FRK: variants seen among roughly 807,000 people sequenced by gnomAD.
The protein encoded by FRK is tyrosine-protein kinase FRK.
Under a neutral mutation model 56.4 loss-of-function variants are expected in FRK, and 51 were observed. The observed-to-expected ratio is 0.90, with a 90% CI of 0.72 to 1.14. FRK has a LOEUF of 1.14. FRK is among the 50% of genes most tolerant of loss of function. The pLI, the probability that FRK is intolerant of heterozygous loss-of-function variation, is 0.00. For missense variants in FRK, 570 were observed against 601.4 expected, an observed-to-expected ratio of 0.95 and a Z score of 0.55; for synonymous variants, 245 against 217.9, an observed-to-expected ratio of 1.12 and a Z score of -1.10.
chr6:115,965,973 C>T (rs1177410886), intron 4 of FRK, among the ~76,000 whole-genome samples: 8 of 103,216 alleles, frequency 7.8e-5, no homozygotes, highest in South Asian at 8.5e-4. Context: ...GTGGGTGCAG[C>T]GCACCAGCAT....
chr6:115,971,255 T>C (rs1483183250), intron 2 of FRK, among the ~76,000 whole-genome samples: 1 of 152,172 alleles, frequency 6.6e-6, no homozygotes, highest in Non-Finnish European at 1.5e-5. Flanking sequence ...TCACCCTGGG[T>C]ATAAAAATTC....
intron 1 of FRK, among the ~76,000 whole-genome samples, chr6:116,056,989 AAAGAAAAC>A (rs1487646181): frequency 3.9e-5 from 6 of 152,246 alleles, no homozygotes; most frequent in Admixed American, 1.3e-4. Flanking sequence ...TCCAAGTATA[AAAGAAAAC>A]AAACAAACTG....
chr6:116,044,257 C>T (rs1289311103), intron 1 of FRK, among the ~76,000 whole-genome samples: 1 of 152,164 alleles, frequency 6.6e-6, no homozygotes, highest in African/African-American at 2.4e-5. Flanking sequence ...CATCCTGTGA[C>T]CAAACTCTGG....
intron 1 of FRK, among the ~76,000 whole-genome samples, chr6:116,034,290 T>C (rs1776392988): frequency 6.6e-6 from 1 of 152,158 alleles, no homozygotes; most frequent in Admixed American, 6.6e-5. Flanking sequence ...GTGTTTGAGG[T>C]GATGGATATC....
the FRK span, among the ~76,000 whole-genome samples, chr6:116,081,918 GAAT>G: frequency 1.3e-5 from 2 of 151,986 alleles, no homozygotes; most frequent in Non-Finnish European, 1.5e-5. Flanking sequence ...GGAGGGGAGA[GAAT>G]AATAATAAAC....
In FRK at chr6:115,942,870, T is replaced by G. The variant is rs1772246154; in HGVS notation, c.1306+150A>C. On this transcript the variant is annotated intron_variant, in intron 7 of 7. Transcript: ENST00000606080. ...AATAAACCACCTCATTAATGCAAAT[T>G]ATCATCATCAAATTTTATCTATCAA... is the stretch of plus-strand genomic sequence containing the variant. The G allele has an allele frequency of 5.0e-6, 4 of 798,456 alleles. No homozygotes were observed. The South Asian group carries it at 5.6e-5, about 11-fold the overall frequency. The allele number at this position is 798,456 out of a possible 1,614,324, so 49.5% of individuals were successfully genotyped here.
intron 5 of FRK, among the ~76,000 whole-genome samples, chr6:115,947,706 T>G (rs1257112022): frequency 6.6e-6 from 1 of 152,134 alleles, no homozygotes; most frequent in South Asian, 2.1e-4. Context: ...AAGTCTATTG[T>G]TTTGTATTAA....
At chr6:116,100,676 G>C in the FRK span, among the ~76,000 whole-genome samples, 1 of 152,194 alleles carries the variant, frequency 6.6e-6, no homozygotes, top group Non-Finnish European at 1.5e-5. Flanking sequence ...GCCGGCATTG[G>C]GGTACCAGGA....
chr6:116,064,990 C>T (rs1181786188), upstream of FRK, among the ~76,000 whole-genome samples: 1 of 152,094 alleles, frequency 6.6e-6, no homozygotes, highest in Non-Finnish European at 1.5e-5. Context: ...TGCTAACTTC[C>T]CCTCCCAGTA....
At chr6:116,074,004 T>G in the FRK span, among the ~76,000 whole-genome samples, 1 of 152,122 alleles carries the variant, frequency 6.6e-6, no homozygotes, top group Non-Finnish European at 1.5e-5. Context: ...AGCACCTGCT[T>G]CTAAATTACC....
chr6:116,086,874 C>T, the FRK span, among the ~76,000 whole-genome samples: 2 of 152,188 alleles, frequency 1.3e-5, no homozygotes, highest in South Asian at 4.1e-4. Flanking sequence ...AAGTCCCCAT[C>T]TGAAATAACT....
chr6:116,005,072 C>T (rs769942933), intron 1 of FRK, among the ~76,000 whole-genome samples: 1 of 151,854 alleles, frequency 6.6e-6, no homozygotes, highest in Non-Finnish European at 1.5e-5. Flanking sequence ...AATGTGAGTG[C>T]CCTAACAATG....
chr6:115,944,332 A>T lies in FRK; in HGVS notation c.1052T>A (p.Ile351Asn). 6.2e-7 allele frequency: 1 copy of T among 1,613,190 alleles called. No individual in the cohort carries two copies. Among genetic ancestry groups the T allele is most frequent in the Non-Finnish European group, 8.5e-7 (1 of 1,179,652 alleles). ...ATTTCTGGCAGCCAGATCTCTGTGA[A>T]TGTAGTTCCGAGACTCCAGATAGGC... ...GMAYLESRNY[I>N]HRDLAARNVL... The change falls in exon 6 of 8, where the codon ATT becomes AAT. Residue 351 changes from isoleucine to asparagine, a missense_variant. Transcript: ENST00000606080.
chr6:115,955,562 T>C (rs1772951321), intron 5 of FRK, among the ~76,000 whole-genome samples: 3 of 152,176 alleles, frequency 2.0e-5, no homozygotes, highest in Admixed American at 2.0e-4. Context: ...TTTAACAGCA[T>C]TCAACAGGCC....
intron 1 of FRK, among the ~76,000 whole-genome samples, chr6:116,036,121 G>A (rs1348801437): frequency 2.6e-5 from 4 of 152,160 alleles, no homozygotes; most frequent in Non-Finnish European, 4.4e-5. Context: ...TTAAAAATAA[G>A]TTTCAGCAAA....
intron 2 of FRK, among the ~76,000 whole-genome samples, chr6:115,995,334 A>G (rs983313312): frequency 1.3e-5 from 2 of 152,150 alleles, no homozygotes; most frequent in Non-Finnish European, 2.9e-5. Context: ...TAAAATGAAA[A>G]AATCAAGGGG....
At chr6:115,982,906 T>C (rs1267979990) in intron 2 of FRK, among the ~76,000 whole-genome samples, 2 of 152,064 alleles carry the variant, frequency 1.3e-5, no homozygotes, top group African/African-American at 4.8e-5. Flanking sequence ...AACCCATCTC[T>C]ACTAAAAATA....
intron 2 of FRK, among the ~76,000 whole-genome samples, chr6:115,978,574 AT>A (rs1454079607): frequency 6.6e-6 from 1 of 152,174 alleles, no homozygotes; most frequent in Non-Finnish European, 1.5e-5. Flanking sequence ...TAAACTATTA[AT>A]AAAAACACAT....
intron 2 of FRK, among the ~76,000 whole-genome samples, chr6:115,969,935 C>T (rs1281135842): frequency 6.6e-6 from 1 of 152,168 alleles, no homozygotes; most frequent in Non-Finnish European, 1.5e-5. Context: ...GCACTTTATA[C>T]CTATGCTTTC....
Sources: allele counts gnomAD v4.1 joint callset (sites outside exome capture counted in the v4.1 genomes callset), GRCh38; gene constraint gnomAD v4.1.1; transcripts MANE v1.5; gene names NCBI Gene and HGNC (gene_info 2026-07-23, HGNC 2026-07-21).